Variants in GALNT17 observed in about 807,000 individuals in gnomAD.
GALNT17 encodes the protein polypeptide N-acetylgalactosaminyltransferase 17, also known as UDP-GalNAc:polypeptide N-acetylgalactosaminyltransferase-like 3.
In GALNT17, 29 loss-of-function variants were observed where a neutral mutation model predicts 63.7. That is an observed-to-expected ratio of 0.46 (90% confidence interval 0.34 to 0.62). The LOEUF (loss-of-function observed/expected upper bound fraction) is 0.62. Ranked by LOEUF, GALNT17 falls within the 20% of genes least tolerant of loss-of-function variation. GALNT17 has a pLI of 0.01. For synonymous variants in GALNT17, 305 were observed against 318.3 expected (o/e 0.96, Z 0.45); for missense variants, 603 against 799.6 (o/e 0.75, Z 2.97).
At chr7:71,379,666 A>G (rs1792808676) in intron 2 of GALNT17, among the ~76,000 whole-genome samples, 1 of 152,132 alleles carries the variant, frequency 6.6e-6, no homozygotes. Context: ...TCCTGAAGAG[A>G]CAGGGTGGTG....
rs113968112 is a variant in GALNT17 at position 71,622,873 on chromosome 7, G to T, written c.1081-42538G>T. On this transcript the variant is annotated intron_variant, in intron 6 of 10. Transcript: ENST00000333538. The stretch of plus-strand genomic sequence containing the variant: ...ATGTCTCTTACAAAACCCTGTGCTG[G>T]ACTTTGAGGGATTCCCATGGGGATG... 5.9e-3 allele frequency among the ~76,000 whole-genome samples: 899 copies of T among 152,272 alleles called. 8 individuals carry two copies. The highest frequency in any genetic ancestry group is 0.02 in the African/African-American group (833 of 41,554).
rs1337080243 is a variant in GALNT17 at position 71,490,142 on chromosome 7, C to T, written c.962+69037C>T. On this transcript the variant is annotated intron_variant, in intron 5 of 10. Transcript: ENST00000333538. Reference sequence around the variant, plus strand: ...GGCGTGGTGGCGGCACCTGTAATCCCAGCTACTCGGAGGCTGAGGCAGGAG... The same window carrying T: ...GGCGTGGTGGCGGCACCTGTAATCCTAGCTACTCGGAGGCTGAGGCAGGAG... Among the ~76,000 whole-genome samples the T allele has an allele frequency of 3.3e-5, 5 of 151,936 alleles. No individual in the cohort carries two copies. The East Asian group carries it at 9.7e-4, about 29-fold the overall frequency.
chr7:71,575,493 A>C (rs1277184818), intron 6 of GALNT17, among the ~76,000 whole-genome samples: 1 of 151,256 alleles, frequency 6.6e-6, no homozygotes, highest in Non-Finnish European at 1.5e-5. Context: ...AGTTCACGCC[A>C]TTCTCCTGCC....
intron 1 of GALNT17, among the ~76,000 whole-genome samples, chr7:71,302,116 G>A (rs912578555): frequency 6.6e-6 from 1 of 152,094 alleles, no homozygotes; most frequent in African/African-American, 2.4e-5. Context: ...CAAACACCGC[G>A]TGTTGTCACT....
At chr7:71,525,729 G>GTTTTT (rs1788613726) in intron 5 of GALNT17, among the ~76,000 whole-genome samples, 1 of 128,890 alleles carries the variant, frequency 7.8e-6, no homozygotes, top group Non-Finnish European at 1.6e-5. Context: ...TCTTGGGTAT[G>GTTTTT]TCTTTTCTTT....
At chr7:71,318,231 C>G (rs1480116240) in intron 1 of GALNT17, among the ~76,000 whole-genome samples, 1 of 152,010 alleles carries the variant, frequency 6.6e-6, no homozygotes, top group Non-Finnish European at 1.5e-5. Context: ...GGCAGTGGGA[C>G]CTCACATTTT....
intron 9 of GALNT17, among the ~76,000 whole-genome samples, chr7:71,688,392 T>C (rs4717611): frequency 0.76 from 115,537 of 152,034 alleles, 44,080 homozygotes; most frequent in East Asian, 0.86. Flanking sequence ...TTGCAGCCAC[T>C]CTCTTTGCAG....
chr7:71,235,414 C>T (rs1370575857), intron 1 of GALNT17, among the ~76,000 whole-genome samples: 1 of 151,974 alleles, frequency 6.6e-6, no homozygotes, highest in Non-Finnish European at 1.5e-5. Context: ...TTTTTGTTTG[C>T]GAAGGACCTG....
At chr7:71,600,567 A>T (rs760097477) in intron 6 of GALNT17, among the ~76,000 whole-genome samples, 7 of 152,116 alleles carry the variant, frequency 4.6e-5, no homozygotes, top group Non-Finnish European at 1.0e-4. Context: ...CTTTATAGAT[A>T]GGAAACAGAC....
intron 5 of GALNT17, among the ~76,000 whole-genome samples, chr7:71,470,286 AG>A (rs1385212991): frequency 1.3e-5 from 2 of 152,182 alleles, no homozygotes; most frequent in Non-Finnish European, 2.9e-5. Flanking sequence ...ACATTATAAA[AG>A]GTAAGAGACA....
intron 5 of GALNT17, among the ~76,000 whole-genome samples, chr7:71,503,265 G>C (rs1309506721): frequency 6.6e-6 from 1 of 152,140 alleles, no homozygotes; most frequent in Non-Finnish European, 1.5e-5. Context: ...TTCTGAGCCA[G>C]GGTCTCGCTC....
At chr7:71,623,287 G>A (rs56070454) in intron 6 of GALNT17, among the ~76,000 whole-genome samples, 1,958 of 151,510 alleles carry the variant, frequency 0.013, 17 homozygotes, top group Non-Finnish European at 0.019. Context: ...CTGCTTTCCA[G>A]GGTTTTTGTG....
chr7:71,493,492 TCACGGTGGAAGGTGAAAGG>T (rs1017453836), intron 5 of GALNT17, among the ~76,000 whole-genome samples: 2 of 152,012 alleles, frequency 1.3e-5, no homozygotes, highest in African/African-American at 4.8e-5. Context: ...GGCCTCACAA[TCACGGTGGAAGGTGAAAGG>T]CACGTCTTAC....
intron 1 of GALNT17, among the ~76,000 whole-genome samples, chr7:71,229,239 T>C (rs1789741480): frequency 6.6e-6 from 1 of 152,224 alleles, no homozygotes; most frequent in Non-Finnish European, 1.5e-5. Context: ...GTGCTGCTGC[T>C]GCCTCTGCAT....
At chr7:71,644,565 A>G (rs1790649352) in intron 6 of GALNT17, among the ~76,000 whole-genome samples, 1 of 149,434 alleles carries the variant, frequency 6.7e-6, no homozygotes, top group East Asian at 2.0e-4. Context: ...GAAAAAAAAA[A>G]GAAGAGAAAG....
chr7:71,505,868 C>G (rs1027114083), intron 5 of GALNT17, among the ~76,000 whole-genome samples: 2 of 152,158 alleles, frequency 1.3e-5, no homozygotes, highest in African/African-American at 4.8e-5. Flanking sequence ...GGGCACCAAG[C>G]ATTTAGCTCT....
intron 1 of GALNT17, among the ~76,000 whole-genome samples, chr7:71,134,178 A>G (rs574985556): frequency 2.0e-5 from 3 of 152,282 alleles, no homozygotes; most frequent in African/African-American, 7.2e-5. Context: ...AAACCTCTGT[A>G]ATCGGAATAA....
intron 9 of GALNT17, among the ~76,000 whole-genome samples, chr7:71,709,630 C>G (rs1172999748): frequency 2.0e-5 from 3 of 151,690 alleles, no homozygotes; most frequent in African/African-American, 7.3e-5. Context: ...CAGAGCCTCA[C>G]TCTGTTGCCC....
intron 3 of GALNT17, among the ~76,000 whole-genome samples, chr7:71,406,290 T>C (rs73700934): frequency 0.027 from 4,043 of 152,292 alleles, 83 homozygotes; most frequent in African/African-American, 0.063. Context: ...CAGTTGGTAT[T>C]CTCACTGAGA....
Sources: allele counts gnomAD v4.1 joint callset (sites outside exome capture counted in the v4.1 genomes callset), GRCh38; gene constraint gnomAD v4.1.1; transcripts MANE v1.5; gene names NCBI Gene and HGNC (gene_info 2026-07-23, HGNC 2026-07-21).